DNAL1: variants seen among roughly 807,000 people sequenced by gnomAD.
The protein encoded by DNAL1 is dynein axonemal light chain 1, also known as chromosome 14 open reading frame 168.
In DNAL1, 17 loss-of-function variants were observed where a neutral mutation model predicts 29.4. The observed-to-expected ratio is 0.58, with a 90% CI of 0.40 to 0.87. The LOEUF (loss-of-function observed/expected upper bound fraction) is 0.87, where lower values mean the gene tolerates loss of function less well. Ranked by LOEUF, DNAL1 falls within the 40% of genes least tolerant of loss-of-function variation. The probability of loss-of-function intolerance (pLI) is 0.00; values close to 1 mark genes in which losing one functional copy is unlikely to be tolerated. For missense variants in DNAL1, 188 were observed against 214.1 expected, an observed-to-expected ratio of 0.88 and a Z score of 0.76; for synonymous variants, 78 against 76.3, an observed-to-expected ratio of 1.02 and a Z score of -0.12.
intron 1 of DNAL1, among the ~76,000 whole-genome samples, chr14:73,653,665 T>C (rs777776522): frequency 2.6e-5 from 4 of 152,156 alleles, no homozygotes; most frequent in Non-Finnish European, 4.4e-5. Flanking sequence ...GCTTAGGCCC[T>C]GTTTTAAATT....
rs1892338940 is a variant in DNAL1 at position 73,697,843 on chromosome 14, A to G, written c.*1901A>G. 6.6e-6 allele frequency: 1 copy of G among 150,714 alleles called. No individual in the cohort carries two copies. Among genetic ancestry groups the G allele is most frequent in the Non-Finnish European group, 1.5e-5 (1 of 67,830 alleles). The allele number at this position is 150,714 out of a possible 1,614,324, so 9.3% of individuals were successfully genotyped here. On this transcript the variant is annotated 3_prime_UTR_variant, in exon 8 of 8. Transcript: ENST00000553645. Reference sequence around the variant, plus strand: ...ATCTGATAGGAAGAAACCTTATTCTACTCTAGCTGGTTTATGCATTCAAAG... The same window carrying G: ...ATCTGATAGGAAGAAACCTTATTCTGCTCTAGCTGGTTTATGCATTCAAAG...
intron 6 of DNAL1, among the ~76,000 whole-genome samples, chr14:73,687,930 A>G (rs1892060801): frequency 6.6e-6 from 1 of 152,202 alleles, no homozygotes. Flanking sequence ...TGGCACATGT[A>G]TACATACGTA....
chr14:73,675,952 A>T (rs960744234), intron 5 of DNAL1, among the ~76,000 whole-genome samples: 2 of 151,968 alleles, frequency 1.3e-5, no homozygotes, highest in African/African-American at 4.8e-5. Flanking sequence ...GAGGCAGAGG[A>T]TGCAGGAGCC....
At chr14:73,649,441 C>T (rs1324164192) in intron 1 of DNAL1, among the ~76,000 whole-genome samples, 2 of 151,474 alleles carry the variant, frequency 1.3e-5, no homozygotes, top group Non-Finnish European at 3.0e-5. Flanking sequence ...TGCCACCACG[C>T]CCGGCACATT....
At chr14:73,681,617 AAAAAAAAAAAAAAAAAATAT>A (rs1339241930) in intron 5 of DNAL1, among the ~76,000 whole-genome samples, 1 of 47,708 alleles carries the variant, frequency 2.1e-5, no homozygotes, top group African/African-American at 9.5e-5. Flanking sequence ...AAAAAAAAAA[AAAAAAAAAAAAAAAAAATAT>A]ATATATATAT....
intron 4 of DNAL1, among the ~76,000 whole-genome samples, chr14:73,664,562 T>C (rs1891431079): frequency 6.6e-6 from 1 of 152,170 alleles, no homozygotes; most frequent in Non-Finnish European, 1.5e-5. Context: ...AGGAAAATCC[T>C]ATAACAAATT....
intron 5 of DNAL1, among the ~76,000 whole-genome samples, chr14:73,683,155 C>T (rs1290295864): frequency 2.0e-5 from 3 of 152,036 alleles, no homozygotes; most frequent in East Asian, 1.9e-4. Flanking sequence ...GGATTACAGG[C>T]GTGAGCCACC....
rs1892481696 is a variant in DNAL1, at chr14:73,703,333, G to A, written c.*7391G>A. The A allele has an allele frequency of 1.3e-5, 2 of 152,196 alleles. No homozygotes were observed. The highest frequency in any genetic ancestry group is 1.3e-4 in the Admixed American group (2 of 15,270). 9.4% of individuals were successfully genotyped at this position (152,196 alleles called of 1,614,324 possible). ...ATAATTAAAAGTCAGAATCTTAGGTGATAACTGTCAGACCTCTGAGCCCAA... is the reference window on the plus strand; with the variant it reads ...ATAATTAAAAGTCAGAATCTTAGGTAATAACTGTCAGACCTCTGAGCCCAA... On this transcript the variant is annotated 3_prime_UTR_variant, in exon 8 of 8. Transcript: ENST00000553645.
intron 1 of DNAL1, among the ~76,000 whole-genome samples, chr14:73,650,278 T>C: frequency 6.6e-6 from 1 of 152,210 alleles, no homozygotes. Context: ...CATGAGCCAC[T>C]GCACCTGGCC....
In DNAL1 at chr14:73,676,182, C is replaced by T. The variant is rs374700772; in HGVS notation, c.264+4585C>T. ...CTGGGAGGCCGAGTTTGCAGTGAGTCGAGATCACGCCACTGCACTCCAGCC... is the reference window on the plus strand; with the variant it reads ...CTGGGAGGCCGAGTTTGCAGTGAGTTGAGATCACGCCACTGCACTCCAGCC... On this transcript the variant is annotated intron_variant, in intron 5 of 7. Coordinates refer to ENST00000553645, the MANE Select transcript of DNAL1 (RefSeq NM_031427.4). Among the ~76,000 whole-genome samples, 65 of 150,594 alleles carry T rather than the reference C, an allele frequency of 4.3e-4. 1 individual carries two copies. In the East Asian group the frequency reaches 0.01, roughly 24 times the overall value.
At chr14:73,658,004 C>G (rs1247983166) in intron 2 of DNAL1, among the ~76,000 whole-genome samples, 1 of 152,178 alleles carries the variant, frequency 6.6e-6, no homozygotes, top group Non-Finnish European at 1.5e-5. Context: ...AGTGTTTTCC[C>G]TGTATTTTCT....
chr14:73,684,131 CT>C (rs1595222122), intron 5 of DNAL1, among the ~76,000 whole-genome samples: 1 of 152,108 alleles, frequency 6.6e-6, no homozygotes, highest in South Asian at 2.1e-4. Flanking sequence ...GGATTTCATG[CT>C]TTTTTATGGC....
chr14:73,661,669 G>A (rs1042342180), intron 3 of DNAL1, among the ~76,000 whole-genome samples: 4 of 151,864 alleles, frequency 2.6e-5, no homozygotes, highest in Admixed American at 6.6e-5. Flanking sequence ...TGCTTGAACC[G>A]GGGAGGTGGA....
intron 5 of DNAL1, among the ~76,000 whole-genome samples, chr14:73,676,524 C>T (rs966511339): frequency 6.6e-6 from 1 of 152,046 alleles, no homozygotes; most frequent in Admixed American, 6.6e-5. Flanking sequence ...TTTCTCTCAA[C>T]AATATATCAA....
chr14:73,688,857 G>A (rs1892086443), intron 6 of DNAL1, among the ~76,000 whole-genome samples: 1 of 152,030 alleles, frequency 6.6e-6, no homozygotes, highest in Admixed American at 6.6e-5. Flanking sequence ...AGAGAGGTAT[G>A]TCTTCTTTTT....
chr14:73,683,962 C>T (rs910716830), intron 5 of DNAL1, among the ~76,000 whole-genome samples: 1 of 152,138 alleles, frequency 6.6e-6, no homozygotes, highest in Non-Finnish European at 1.5e-5. Context: ...CTACCTCGGC[C>T]TCCCAAAGTG....
At chr14:73,664,399 T>C (rs1444464630) in intron 4 of DNAL1, among the ~76,000 whole-genome samples, 4 of 152,214 alleles carry the variant, frequency 2.6e-5, no homozygotes, top group Non-Finnish European at 5.9e-5. Context: ...TGGTATCTCT[T>C]TGCCTAGTAA....
At chr14:73,690,538 T>C (rs1566891906) in intron 7 of DNAL1, among the ~76,000 whole-genome samples, 1 of 151,306 alleles carries the variant, frequency 6.6e-6, no homozygotes, top group Admixed American at 6.6e-5. Flanking sequence ...TGTAACCCCA[T>C]CTACTCGGGA....
At position 73,687,302 on chromosome 14, in the gene DNAL1, A is replaced by G; in HGVS notation, c.308A>G (p.Asn103Ser). ...TTAGAAGAACTGTGGATCTCCTACA[A>G]TTTTATTGAGAAGTTGAAAGGGATC... is the stretch of plus-strand genomic sequence containing the variant. The part of the protein sequence containing the change: ...DTLEELWISY[N>S]FIEKLKGIHI... The change falls in exon 6 of 8, where the codon AAT becomes AGT. Residue 103 changes from asparagine (N) to serine (S), a missense_variant. Coordinates refer to ENST00000553645, the MANE Select transcript of DNAL1 (RefSeq NM_031427.4). The G allele has an allele frequency of 1.2e-6, 2 of 1,613,470 alleles. No homozygotes were observed. Among genetic ancestry groups the G allele is most frequent in the Non-Finnish European group, 1.7e-6 (2 of 1,179,758 alleles).
Sources: gnomAD v4.1 joint callset for allele counts (sites outside exome capture counted in the v4.1 genomes callset) on GRCh38, gnomAD v4.1.1 for gene constraint, MANE v1.5 for transcripts, NCBI Gene and HGNC (gene_info 2026-07-23, HGNC 2026-07-21) for gene names.